NRG1: variants seen among roughly 807,000 people sequenced by gnomAD.
NRG1 encodes neuregulin 1.
NRG1 carries 18 observed loss-of-function variants against 63.8 expected under a neutral mutation model. The observed-to-expected ratio is 0.28, with a 90% CI of 0.19 to 0.42. The LOEUF is 0.42. Ranked by LOEUF, NRG1 falls within the 10% of genes least tolerant of loss-of-function variation. The probability of loss-of-function intolerance (pLI) is 1.00; values close to 1 mark genes in which losing one functional copy is unlikely to be tolerated. For missense variants in NRG1, 762 were observed against 814.7 expected (o/e 0.94, Z 0.79); for synonymous variants, 302 against 301.3 (o/e 1.00, Z -0.02).
chr8:32,419,943 A>G (rs1369345461), intron 1 of NRG1, among the ~76,000 whole-genome samples: 1 of 152,150 alleles, frequency 6.6e-6, no homozygotes. Context: ...TTCTATTTTA[A>G]TAGTCCCAAT....
chr8:32,662,275 T>G (rs191551666), intron 5 of NRG1, among the ~76,000 whole-genome samples: 1 of 152,192 alleles, frequency 6.6e-6, no homozygotes, highest in South Asian at 2.1e-4. Context: ...TATGGCCATA[T>G]GGAAGAATGT....
chr8:31,941,104 A>G (rs1285289759), intron 1 of NRG1, among the ~76,000 whole-genome samples: 2 of 152,040 alleles, frequency 1.3e-5, no homozygotes, highest in Non-Finnish European at 2.9e-5. Context: ...AAAAACGAAA[A>G]CTACAGTCAG....
chr8:32,477,440 A>G (rs1824666112), intron 1 of NRG1, among the ~76,000 whole-genome samples: 1 of 152,240 alleles, frequency 6.6e-6, no homozygotes, highest in Admixed American at 6.5e-5. Flanking sequence ...TCAAAAGTAA[A>G]ACAGGCTTGA....
intron 1 of NRG1, among the ~76,000 whole-genome samples, chr8:31,878,368 T>A (rs1830085763): frequency 6.6e-6 from 1 of 152,222 alleles, no homozygotes; most frequent in Non-Finnish European, 1.5e-5. Flanking sequence ...ATGATGTAAC[T>A]TATTATGTCT....
At chr8:32,673,771 G>T (rs746675592) in intron 5 of NRG1, among the ~76,000 whole-genome samples, 2 of 152,142 alleles carry the variant, frequency 1.3e-5, no homozygotes, top group Non-Finnish European at 2.9e-5. Context: ...CATGAATTGT[G>T]CGGTCAGCTA....
intron 1 of NRG1, among the ~76,000 whole-genome samples, chr8:32,222,526 A>T (rs1004890240): frequency 6.6e-6 from 1 of 152,236 alleles, no homozygotes; most frequent in Non-Finnish European, 1.5e-5. Context: ...ATCTTGACCC[A>T]CTATAAATCC....
intron 1 of NRG1, among the ~76,000 whole-genome samples, chr8:32,461,043 G>A (rs905698548): frequency 6.6e-6 from 1 of 152,106 alleles, no homozygotes; most frequent in African/African-American, 2.4e-5. Context: ...ATGGGGCTCT[G>A]TCATTTACCC....
intron 1 of NRG1, among the ~76,000 whole-genome samples, chr8:31,828,542 G>T (rs1013285022): frequency 4.6e-5 from 7 of 152,102 alleles, no homozygotes; most frequent in African/African-American, 1.7e-4. Context: ...TTTCCAGATG[G>T]TCTCCTCTGG....
intron 1 of NRG1, among the ~76,000 whole-genome samples, chr8:31,891,142 G>A (rs1011361113): frequency 1.1e-4 from 17 of 152,152 alleles, no homozygotes; most frequent in African/African-American, 4.1e-4. Context: ...AAATGGAAAT[G>A]TTGATAATTT....
At chr8:32,067,697 C>A (rs766909166) in intron 1 of NRG1, among the ~76,000 whole-genome samples, 2 of 152,084 alleles carry the variant, frequency 1.3e-5, no homozygotes, top group East Asian at 3.9e-4. Flanking sequence ...CAAGAGATCT[C>A]CTCCACCTTT....
chr8:32,258,709 T>C (rs1850025968), intron 1 of NRG1, among the ~76,000 whole-genome samples: 1 of 152,174 alleles, frequency 6.6e-6, no homozygotes, highest in African/African-American at 2.4e-5. Flanking sequence ...CAAGGTTTTT[T>C]GCACAGACAA....
At chr8:32,085,868 T>C (rs1473355441) in intron 1 of NRG1, among the ~76,000 whole-genome samples, 1 of 152,188 alleles carries the variant, frequency 6.6e-6, no homozygotes, top group African/African-American at 2.4e-5. Flanking sequence ...TTGGGTTCTG[T>C]TGATGTGAAG....
chr8:32,433,482 T>G (rs1440812064), intron 1 of NRG1, among the ~76,000 whole-genome samples: 1 of 152,210 alleles, frequency 6.6e-6, no homozygotes, highest in African/African-American at 2.4e-5. Context: ...TTTGGGCTTG[T>G]ATTTTTTCCA....
rs567938612 is a variant in NRG1 at position 32,314,755 on chromosome 8, G to T, written c.38-281073G>T. Among the ~76,000 whole-genome samples, 3 of 152,304 alleles carry T rather than the reference G, an allele frequency of 2.0e-5. No individual in the cohort carries two copies. In the South Asian group the frequency reaches 6.2e-4, roughly 32 times the overall value. ...ATCTCTTCATGAGCACCAAGAGGAA[G>T]CCCCCAGATGGGTCCCTGTCCTTAC... On this transcript the variant is annotated intron_variant, in intron 1 of 10. Coordinates refer to the NRG1 transcript ENST00000519301.
chr8:31,822,081 A>G (rs531886781), intron 1 of NRG1, among the ~76,000 whole-genome samples: 1 of 152,330 alleles, frequency 6.6e-6, no homozygotes, highest in Admixed American at 6.5e-5. Context: ...GGCATAATGC[A>G]TTCTTTCAAA....
intron 1 of NRG1, among the ~76,000 whole-genome samples, chr8:31,758,076 C>A (rs1160946010): frequency 2.6e-5 from 4 of 151,972 alleles, no homozygotes. Context: ...TTATTTATTA[C>A]ACCTTTAAGT....
At chr8:32,756,466 G>A (rs1366526048) in exon 9 of NRG1, 3 of 1,613,730 alleles carry the variant, frequency 1.9e-6, no homozygotes, top group Non-Finnish European at 2.5e-6. Flanking sequence ...GAAACAATAT[G>A]ATGAACATTG....
At chr8:32,237,192 T>A (rs1847653538) in intron 1 of NRG1, among the ~76,000 whole-genome samples, 1 of 152,164 alleles carries the variant, frequency 6.6e-6, no homozygotes, top group African/African-American at 2.4e-5. Context: ...CATTCCCTTA[T>A]CTGAATATTA....
chr8:32,035,681 A>T (rs118078665), intron 1 of NRG1, among the ~76,000 whole-genome samples: 2,067 of 152,260 alleles, frequency 0.014, 15 homozygotes, highest in Middle Eastern at 0.037. Context: ...CTTCACCATT[A>T]TGTAATGCCT....
Sources: allele counts gnomAD v4.1 joint callset (sites outside exome capture counted in the v4.1 genomes callset), GRCh38; gene constraint gnomAD v4.1.1; transcripts MANE v1.5; gene names NCBI Gene and HGNC (gene_info 2026-07-23, HGNC 2026-07-21).